RYR2: variants seen among roughly 807,000 people sequenced by gnomAD.
The protein encoded by RYR2 is cardiac muscle ryanodine receptor-calcium release channel.
A neutral mutation model predicts 601.1 loss-of-function variants in RYR2; 227 were observed. The ratio of observed to expected loss-of-function variants is 0.38; its 90% confidence interval spans 0.34 to 0.42. The LOEUF is 0.42. RYR2 is among the 10% of genes least tolerant of loss of function. RYR2 has a pLI of 1.00. For missense variants in RYR2, 4,646 were observed against 6,156.5 expected (o/e 0.75, Z 8.21); for synonymous variants, 2,223 against 2,175.1 (o/e 1.02, Z -0.61).
At chr1:237,365,653 C>G (rs1236199386) in intron 5 of RYR2, among the ~76,000 whole-genome samples, 1 of 152,210 alleles carries the variant, frequency 6.6e-6, no homozygotes, top group Non-Finnish European at 1.5e-5. Flanking sequence ...TTTGCAAATA[C>G]TGATAACTTA....
At chr1:237,694,060 T>C (rs1311092716) in intron 63 of RYR2, among the ~76,000 whole-genome samples, 1 of 152,112 alleles carries the variant, frequency 6.6e-6, no homozygotes, top group African/African-American at 2.4e-5. Context: ...TCTGGGAGGC[T>C]GAGGCGGGCG....
At chr1:237,061,802 G>T (rs1015746399) in intron 1 of RYR2, among the ~76,000 whole-genome samples, 1 of 147,394 alleles carries the variant, frequency 6.8e-6, no homozygotes, top group Non-Finnish European at 1.5e-5. Context: ...ATGGTTTGTG[G>T]TTTTTTTTTT....
intron 1 of RYR2, among the ~76,000 whole-genome samples, chr1:237,192,908 A>G (rs1680131928): frequency 1.3e-5 from 2 of 152,156 alleles, no homozygotes; most frequent in Admixed American, 1.3e-4. Context: ...TTAGAATCCA[A>G]ACCTAATGAC....
At chr1:237,352,776 AT>A (rs1698966995) in intron 3 of RYR2, 1 of 466,068 alleles carries the variant, frequency 2.1e-6, no homozygotes, top group East Asian at 6.1e-5. Context: ...AGATCTGTAC[AT>A]TTGTGTCTTG....
intron 8 of RYR2, among the ~76,000 whole-genome samples, chr1:237,386,527 C>T (rs1206168040): frequency 1.3e-5 from 2 of 152,154 alleles, no homozygotes; most frequent in African/African-American, 4.8e-5. Flanking sequence ...GAAGACTCCA[C>T]GAAAACAGGT....
chr1:237,606,168 T>C (rs1324953099), intron 35 of RYR2, among the ~76,000 whole-genome samples: 2 of 151,858 alleles, frequency 1.3e-5, no homozygotes, highest in African/African-American at 2.4e-5. Context: ...CTTCAAACTA[T>C]ACTACAAGGC....
rs373132792 is a variant in RYR2 at position 237,832,865 on chromosome 1, T to G, written c.*218T>G. On this transcript the variant is annotated 3_prime_UTR_variant, in exon 105 of 105. Transcript: ENST00000366574. ...ACTGAAGAATAATCTAAATTCATACTCAGACAAAAAAAGGAATTCTGGAAA... is the reference window on the plus strand; with the variant it reads ...ACTGAAGAATAATCTAAATTCATACGCAGACAAAAAAAGGAATTCTGGAAA... 467 of 416,874 alleles carry G rather than the reference T, an allele frequency of 1.1e-3. 15 individuals carry two copies. In the South Asian group the frequency reaches 0.02, roughly 18 times the overall value. The allele number at this position is 416,874 out of a possible 1,614,324, so 25.8% of individuals were successfully genotyped here.
At chr1:237,609,225 T>C (rs1312006608) in intron 35 of RYR2, among the ~76,000 whole-genome samples, 4 of 121,350 alleles carry the variant, frequency 3.3e-5, no homozygotes, top group Non-Finnish European at 7.7e-5. Flanking sequence ...CCCTTTTCTT[T>C]CTTACTGACA....
intron 2 of RYR2, among the ~76,000 whole-genome samples, chr1:237,321,451 T>C (rs1216884183): frequency 6.6e-6 from 1 of 152,154 alleles, no homozygotes; most frequent in Non-Finnish European, 1.5e-5. Context: ...ATGATTCCGA[T>C]ATACTTCTGT....
intron 1 of RYR2, among the ~76,000 whole-genome samples, chr1:237,054,770 C>T (rs61831870): frequency 0.19 from 29,062 of 152,146 alleles, 2,953 homozygotes; most frequent in Middle Eastern, 0.34. Flanking sequence ...ACCTTCAACA[C>T]CACTACTATG....
chr1:237,472,514 G>C (rs936058050), intron 17 of RYR2, among the ~76,000 whole-genome samples: 1 of 152,098 alleles, frequency 6.6e-6, no homozygotes, highest in African/African-American at 2.4e-5. Context: ...AACAACATTG[G>C]AAATGAAGTG....
At chr1:237,469,510 T>G (rs986656427) in intron 17 of RYR2, among the ~76,000 whole-genome samples, 1 of 152,136 alleles carries the variant, frequency 6.6e-6, no homozygotes, top group African/African-American at 2.4e-5. Flanking sequence ...TTTTATTTCT[T>G]GAAAAATCAT....
chr1:237,237,977 C>T (rs1344846121), intron 1 of RYR2, among the ~76,000 whole-genome samples: 2 of 136,230 alleles, frequency 1.5e-5, no homozygotes, highest in African/African-American at 5.3e-5. Flanking sequence ...CTTTCCTTTC[C>T]TTTCCTTTCC....
intron 30 of RYR2, 61 bp downstream of exon 30, chr1:237,590,062 CA>C: frequency 1.2e-5 from 17 of 1,445,002 alleles, no homozygotes; most frequent in Non-Finnish European, 1.6e-5. Flanking sequence ...TATCTTTATA[CA>C]AAGGAACTTC....
intron 80 of RYR2, among the ~76,000 whole-genome samples, chr1:237,753,927 T>G (rs1442148995): frequency 1.3e-5 from 2 of 151,906 alleles, no homozygotes; most frequent in South Asian, 2.1e-4. Context: ...CAGAGTTTTT[T>G]TTTTTTTTTT....
At chr1:237,785,748 C>A (rs1695497931) in intron 90 of RYR2, among the ~76,000 whole-genome samples, 1 of 152,082 alleles carries the variant, frequency 6.6e-6, no homozygotes, top group South Asian at 2.1e-4. Flanking sequence ...GAAAAGGAGT[C>A]CAGAAAGTTT....
chr1:237,494,596 G>A (rs1663824807), intron 19 of RYR2, among the ~76,000 whole-genome samples: 1 of 152,024 alleles, frequency 6.6e-6, no homozygotes, highest in East Asian at 1.9e-4. Flanking sequence ...ATCCAATCAA[G>A]TTGACACTCA....
intron 1 of RYR2, among the ~76,000 whole-genome samples, chr1:237,205,025 C>G (rs899204234): frequency 6.6e-6 from 1 of 152,172 alleles, no homozygotes; most frequent in Non-Finnish European, 1.5e-5. Flanking sequence ...TGGCATGGTC[C>G]TGCTTTGACC....
chr1:237,700,489 A>T, intron 65 of RYR2, 22 bp downstream of exon 65: 1 of 1,248,954 alleles, frequency 8.0e-7, no homozygotes, highest in Non-Finnish European at 1.1e-6. Flanking sequence ...TATATCTTGG[A>T]GTTTTTTTTT....
Sources: allele counts gnomAD v4.1 joint callset (sites outside exome capture counted in the v4.1 genomes callset), GRCh38; gene constraint gnomAD v4.1.1; transcripts MANE v1.5; gene names NCBI Gene and HGNC (gene_info 2026-07-23, HGNC 2026-07-21).